The following SIDT1 variants were observed in gnomAD, a reference collection of about 807,000 sequenced individuals.
SIDT1 encodes the protein SID1 transmembrane family member 1.
Under a neutral mutation model 107.5 loss-of-function variants are expected in SIDT1, and 101 were observed. The ratio of observed to expected loss-of-function variants is 0.94; its 90% CI spans 0.80 to 1.11. The LOEUF is 1.11. Ranked by LOEUF, SIDT1 falls within the 50% of genes least tolerant of loss-of-function variation. The pLI, the probability that SIDT1 is intolerant of heterozygous loss-of-function variation, is 0.00. For synonymous variants in SIDT1, 395 were observed against 398.2 expected, an observed-to-expected ratio of 0.99 and a Z score of 0.10; for missense variants, 1,076 against 1,058.2, an observed-to-expected ratio of 1.02 and a Z score of -0.23.
At chr3:113,617,344 C>G (rs1029791084) in intron 20 of SIDT1, among the ~76,000 whole-genome samples, 3 of 152,210 alleles carry the variant, frequency 2.0e-5, no homozygotes, top group Admixed American at 6.5e-5. Context: ...GAGCCCAGAG[C>G]TCAGGGCCCT....
chr3:113,584,846 T>C, intron 8 of SIDT1, 77 bp downstream of exon 8: 2 of 1,021,230 alleles, frequency 2.0e-6, no homozygotes, highest in Non-Finnish European at 2.9e-6. Context: ...ATTACTGTCA[T>C]CCTTCCAGAG....
At chr3:113,622,604 A>C (rs2107822718) in intron 21 of SIDT1, among the ~76,000 whole-genome samples, 1 of 152,302 alleles carries the variant, frequency 6.6e-6, no homozygotes, top group East Asian at 1.9e-4. Context: ...TTTAGCATTA[A>C]TTTTAAAACC....
chr3:113,587,609 G>A (rs1576864835), intron 9 of SIDT1, among the ~76,000 whole-genome samples: 1 of 152,284 alleles, frequency 6.6e-6, no homozygotes, highest in East Asian at 1.9e-4. Flanking sequence ...TTGAAAGAAA[G>A]CATGGTTCCA....
the SIDT1 span, among the ~76,000 whole-genome samples, chr3:113,635,337 A>G: frequency 6.6e-6 from 1 of 152,226 alleles, no homozygotes; most frequent in Non-Finnish European, 1.5e-5. Context: ...CTCTACAAAA[A>G]AAGAAAATTA....
intron 1 of SIDT1, among the ~76,000 whole-genome samples, chr3:113,559,851 T>C (rs1941259526): frequency 6.6e-6 from 1 of 152,182 alleles, no homozygotes; most frequent in Non-Finnish European, 1.5e-5. Context: ...TTTTGTCTGT[T>C]TTACATGTAC....
intron 14 of SIDT1, chr3:113,606,602 G>T (rs1447224627): frequency 6.5e-6 from 1 of 153,278 alleles, no homozygotes; most frequent in East Asian, 1.9e-4. Context: ...AATAGGGAAA[G>T]CTGAACACAC....
chr3:113,559,951 G>C (rs942351932), intron 1 of SIDT1, among the ~76,000 whole-genome samples: 3 of 152,198 alleles, frequency 2.0e-5, no homozygotes, highest in Admixed American at 1.3e-4. Flanking sequence ...AGATGATCCA[G>C]AGTTGGGTAC....
chr3:113,543,441 C>A (rs1448900168), intron 1 of SIDT1, among the ~76,000 whole-genome samples: 1 of 152,188 alleles, frequency 6.6e-6, no homozygotes, highest in East Asian at 1.9e-4. Context: ...TCAGAGCCAT[C>A]AGAGCTCCAT....
At chr3:113,582,091 C>T (rs933375191) in intron 6 of SIDT1, among the ~76,000 whole-genome samples, 30 of 152,052 alleles carry the variant, frequency 2.0e-4, no homozygotes, top group Non-Finnish European at 1.3e-4. Flanking sequence ...TAATCTATAC[C>T]AGTAACAGTA....
chr3:113,589,950 A>G (rs1944024818), intron 9 of SIDT1: 1 of 153,002 alleles, frequency 6.5e-6, no homozygotes. Context: ...AACAGTATAG[A>G]TCCCTGCTGT....
rs80265294 is a variant in SIDT1 at position 113,624,427 on chromosome 3, A to G, written c.2307+694A>G. On this transcript the variant is annotated intron_variant, in intron 23 of 24. Coordinates refer to ENST00000264852, the MANE Select transcript of SIDT1 (RefSeq NM_017699.3). ...GGTTCAAGCATGCTGTAACATACATAGTACTTCATGTCTATTCATTGCTGA... is the reference window on the plus strand; with the variant it reads ...GGTTCAAGCATGCTGTAACATACATGGTACTTCATGTCTATTCATTGCTGA... Among the ~76,000 whole-genome samples, 598 of 152,346 alleles carry G rather than the reference A, an allele frequency of 3.9e-3. 4 individuals carry two copies. The highest frequency in any genetic ancestry group is 0.014 in the African/African-American group (572 of 41,568).
intron 10 of SIDT1, among the ~76,000 whole-genome samples, chr3:113,594,128 T>C (rs560193642): frequency 2.0e-5 from 3 of 152,206 alleles, no homozygotes; most frequent in Non-Finnish European, 2.9e-5. Context: ...AGAAAGACTT[T>C]AACTCACCCC....
Position 113,583,512 on chromosome 3 carries a change from G to C in SIDT1, c.835+16G>C. 1 of 1,547,570 alleles carries C rather than the reference G, an allele frequency of 6.5e-7. No individual in the cohort carries two copies. On this transcript the variant is annotated intron_variant, in intron 7 of 24. Transcript: ENST00000264852. ...TTCATCCAGGGTAAGAGCTAGTGAGGAACACTTGGCTGCTTAGCAAAACCT... is the reference window on the plus strand; with the variant it reads ...TTCATCCAGGGTAAGAGCTAGTGAGCAACACTTGGCTGCTTAGCAAAACCT...
intron 24 of SIDT1, among the ~76,000 whole-genome samples, chr3:113,626,893 G>T (rs1392393032): frequency 1.3e-5 from 2 of 152,146 alleles, no homozygotes; most frequent in Admixed American, 1.3e-4. Context: ...AGACCTACTA[G>T]ATGCCCGGGC....
At chr3:113,584,097 A>G (rs555348284) in intron 7 of SIDT1, among the ~76,000 whole-genome samples, 5 of 152,362 alleles carry the variant, frequency 3.3e-5, no homozygotes, top group East Asian at 3.9e-4. Context: ...GATTGAAAAC[A>G]TAGACCACTA....
At position 113,559,992 on chromosome 3, in the gene SIDT1, C is replaced by T. The variant is rs1038057690; in HGVS notation, c.223-6428C>T. Among the ~76,000 whole-genome samples, 22 of 152,212 alleles carry T rather than the reference C, an allele frequency of 1.4e-4. 1 individual carries two copies. Among genetic ancestry groups the T allele is most frequent in the Admixed American group, 8.5e-4 (13 of 15,296 alleles). On this transcript the variant is annotated intron_variant, in intron 1 of 24. Transcript: ENST00000264852. Reference sequence around the variant, plus strand: ...AGCCAAAGATTCAAAATAGTGATGGCAGCATATTCTGACCAAGCATTGCAT... The same window carrying T: ...AGCCAAAGATTCAAAATAGTGATGGTAGCATATTCTGACCAAGCATTGCAT...
chr3:113,607,137 C>T, intron 15 of SIDT1, 23 bp downstream of exon 15: 1 of 1,521,842 alleles, frequency 6.6e-7, no homozygotes, highest in Non-Finnish European at 9.1e-7. Flanking sequence ...CTCTGGTTGC[C>T]CATGAGGCAT....
chr3:113,594,420 T>C (rs1188182294), intron 10 of SIDT1, among the ~76,000 whole-genome samples: 1 of 152,186 alleles, frequency 6.6e-6, no homozygotes, highest in African/African-American at 2.4e-5. Context: ...GTTTTGTGCC[T>C]CCAAGTTTTG....
At chr3:113,605,273 C>A (rs955288287) in intron 14 of SIDT1, among the ~76,000 whole-genome samples, 1 of 152,038 alleles carries the variant, frequency 6.6e-6, no homozygotes, top group Non-Finnish European at 1.5e-5. Context: ...CAGGCATGTG[C>A]CACCATGCCC....
Sources: allele counts gnomAD v4.1 joint callset (sites outside exome capture counted in the v4.1 genomes callset), GRCh38; gene constraint gnomAD v4.1.1; transcripts MANE v1.5; gene names NCBI Gene and HGNC (gene_info 2026-07-23, HGNC 2026-07-21).